Variants in CCDC126 observed in about 807,000 individuals in gnomAD.
CCDC126 encodes the protein coiled-coil domain-containing protein 126.
CCDC126 carries 5 observed loss-of-function variants against 11.7 expected under a neutral mutation model. The ratio of observed to expected loss-of-function variants is 0.43; its 90% CI spans 0.22 to 0.90. CCDC126 has a LOEUF of 0.90. Ranked by LOEUF, CCDC126 falls within the 40% of genes least tolerant of loss-of-function variation. The pLI is 0.27. For missense variants in CCDC126, 150 were observed against 163.1 expected (o/e 0.92, Z 0.44); for synonymous variants, 60 against 61.9 (o/e 0.97, Z 0.14).
chr7:23,627,290 AAGATC>A (rs1437638231), intron 3 of CCDC126, among the ~76,000 whole-genome samples: 2 of 152,074 alleles, frequency 1.3e-5, no homozygotes, highest in African/African-American at 4.8e-5. Flanking sequence ...CTGAGGCAGG[AAGATC>A]ACTTGAGGCC....
At chr7:23,627,586 A>G (rs1451888249) in intron 3 of CCDC126, among the ~76,000 whole-genome samples, 1 of 151,816 alleles carries the variant, frequency 6.6e-6, no homozygotes, top group East Asian at 1.9e-4. Flanking sequence ...AAAAAAAGAA[A>G]GACTGTATAA....
At chr7:23,632,765 C>G (rs1186298848) in intron 3 of CCDC126, among the ~76,000 whole-genome samples, 4 of 152,138 alleles carry the variant, frequency 2.6e-5, no homozygotes, top group Non-Finnish European at 5.9e-5. Flanking sequence ...ATGCGTGGTC[C>G]TTGTATTCCA....
intron 3 of CCDC126, among the ~76,000 whole-genome samples, chr7:23,620,548 A>G (rs1343585703): frequency 1.3e-5 from 2 of 151,080 alleles, no homozygotes; most frequent in Non-Finnish European, 3.0e-5. Context: ...CTCTGATGGT[A>G]GTTTCTTTTG....
In CCDC126 at chr7:23,643,239, G is replaced by GCAGCACAAA; in HGVS notation, c.*124_*125insCAGCACAAA. ...AATAAAAGCTCTACACATTTTCAAG[G>GCAGCACAAA]AGTATGCTGGATTCATGGAACTCTA... is the stretch of plus-strand genomic sequence containing the variant. On this transcript the variant is annotated 3_prime_UTR_variant, in exon 4 of 4. Transcript: ENST00000307471. 1 of 823,656 alleles carries GCAGCACAAA rather than the reference G, an allele frequency of 1.2e-6. No homozygotes were observed. The allele number at this position is 823,656 out of a possible 1,614,324, so 51.0% of individuals were successfully genotyped here. A position where few individuals can be genotyped will look rare whatever the true frequency, so the allele number is the denominator to read the frequency against.
rs545653131 is a variant in CCDC126, at chr7:23,605,797, G to A, written c.-145-5374G>A. 5.3e-5 allele frequency among the ~76,000 whole-genome samples: 8 copies of A among 152,162 alleles called. No individual in the cohort carries two copies. The South Asian group carries it at 1.7e-3, about 32-fold the overall frequency. ...CACTGGCATACACATATCCCTTTGG[G>A]TTTCTGCTTTCATTTCTTTTGTGTA... On this transcript the variant is annotated intron_variant, in intron 2 of 3. Transcript: ENST00000307471.
intron 2 of CCDC126, among the ~76,000 whole-genome samples, chr7:23,605,988 T>G (rs1421348488): frequency 2.6e-5 from 4 of 151,446 alleles, no homozygotes; most frequent in East Asian, 3.9e-4. Flanking sequence ...TTCTGTTTTT[T>G]TTTGTGTGTG....
At chr7:23,600,259 A>G (rs1782513599) in intron 2 of CCDC126, among the ~76,000 whole-genome samples, 1 of 151,770 alleles carries the variant, frequency 6.6e-6, no homozygotes, top group Non-Finnish European at 1.5e-5. Context: ...ATGATCTGAT[A>G]TCTTGACACT....
chr7:23,626,749 C>T (rs751527620), intron 3 of CCDC126, among the ~76,000 whole-genome samples: 29 of 152,022 alleles, frequency 1.9e-4, no homozygotes, highest in Admixed American at 5.2e-4. Flanking sequence ...GAAGTGAGAA[C>T]GTGCAGTATT....
chr7:23,642,034 G>T (rs10241204), intron 3 of CCDC126, among the ~76,000 whole-genome samples: 1 of 151,998 alleles, frequency 6.6e-6, no homozygotes, highest in Admixed American at 6.6e-5. Context: ...TTTTTTGAGA[G>T]GGAGTCTTGC....
intron 3 of CCDC126, among the ~76,000 whole-genome samples, chr7:23,629,233 C>T (rs6945626): frequency 0.88 from 133,546 of 152,200 alleles, 58,752 homozygotes; most frequent in African/African-American, 0.93. Flanking sequence ...GATCATGTCA[C>T]GAGGACTCTA....
intron 3 of CCDC126, among the ~76,000 whole-genome samples, chr7:23,634,537 ATG>A (rs1259385801): frequency 2.0e-5 from 3 of 152,224 alleles, no homozygotes; most frequent in African/African-American, 7.2e-5. Flanking sequence ...ATGTGTGCTT[ATG>A]TTTGTGCCAG....
At chr7:23,601,076 C>A (rs894290257) in intron 2 of CCDC126, among the ~76,000 whole-genome samples, 2 of 151,532 alleles carry the variant, frequency 1.3e-5, no homozygotes, top group Non-Finnish European at 2.9e-5. Flanking sequence ...AAAAAGACTC[C>A]ATACACGTGT....
intron 3 of CCDC126, among the ~76,000 whole-genome samples, chr7:23,621,204 T>C (rs1052867443): frequency 2.3e-4 from 35 of 152,356 alleles, no homozygotes; most frequent in African/African-American, 5.0e-4. Context: ...ATTCTTCCTA[T>C]CCATGAGCAT....
chr7:23,605,400 TGTGTGTGTGTGTGTG>T (rs1782606685), intron 2 of CCDC126, among the ~76,000 whole-genome samples: 1 of 530 alleles, frequency 1.9e-3, no homozygotes, highest in African/African-American at 0.025. Flanking sequence ...GTGATATGCT[TGTGTGTGTGTGTGTG>T]TGTGTGTGTG....
chr7:23,601,184 G>A (rs571047395), intron 2 of CCDC126, among the ~76,000 whole-genome samples: 9 of 152,328 alleles, frequency 5.9e-5, no homozygotes, highest in African/African-American at 1.7e-4. Flanking sequence ...AAGAGTTTGA[G>A]ACCAGCCTGG....
At chr7:23,618,320 A>G (rs1192336251) in intron 3 of CCDC126, among the ~76,000 whole-genome samples, 1 of 151,960 alleles carries the variant, frequency 6.6e-6, no homozygotes, top group African/African-American at 2.4e-5. Flanking sequence ...CTCTAATCAC[A>G]TGGTTGTCCT....
intron 2 of CCDC126, among the ~76,000 whole-genome samples, chr7:23,605,625 G>C (rs1288429229): frequency 6.6e-6 from 1 of 152,008 alleles, no homozygotes; most frequent in East Asian, 1.9e-4. Context: ...TCTTCCATGT[G>C]GTAGCATGTA....
chr7:23,610,233 A>C (rs1222561067), intron 2 of CCDC126, among the ~76,000 whole-genome samples: 1 of 152,166 alleles, frequency 6.6e-6, no homozygotes, highest in African/African-American at 2.4e-5. Flanking sequence ...TGTTTTTGAG[A>C]CAAGGTCTTG....
At chr7:23,598,376 G>T (rs1782466695) in intron 2 of CCDC126, 1 of 152,148 alleles carries the variant, frequency 6.6e-6, no homozygotes, top group Non-Finnish European at 1.5e-5. Context: ...AATCATCCTG[G>T]GTTGTGTGTT....
Sources: allele counts gnomAD v4.1 joint callset (sites outside exome capture counted in the v4.1 genomes callset), GRCh38; gene constraint gnomAD v4.1.1; transcripts MANE v1.5; gene names NCBI Gene and HGNC (gene_info 2026-07-23, HGNC 2026-07-21).